Variants in NXPE4 observed in about 807,000 individuals in gnomAD.
The protein encoded by NXPE4 is NXPE family member 4.
In NXPE4, 42 loss-of-function variants were observed where a neutral mutation model predicts 33.3. The ratio of observed to expected loss-of-function variants is 1.26; its 90% CI spans 0.98 to 1.63. NXPE4 has a LOEUF of 1.63. Ranked by LOEUF, NXPE4 falls within the 40% of genes most tolerant of loss-of-function variation. The pLI, the probability that NXPE4 is intolerant of heterozygous loss-of-function variation, is 0.00. For missense variants in NXPE4, 709 were observed against 647.6 expected (o/e 1.09, Z -1.03); for synonymous variants, 253 against 234.9 (o/e 1.08, Z -0.71).
At chr11:114,607,641 C>T in the NXPE4 span, among the ~76,000 whole-genome samples, 641 of 147,942 alleles carry the variant, frequency 4.3e-3, 6 homozygotes, top group African/African-American at 0.011. Flanking sequence ...TGTTGCCTCG[C>T]GGTTAACCAC....
chr11:114,615,548 T>G, the NXPE4 span, among the ~76,000 whole-genome samples: 1 of 151,948 alleles, frequency 6.6e-6, no homozygotes, highest in African/African-American at 2.4e-5. Context: ...CGGTGGATAA[T>G]AAGTGTTGCT....
upstream of NXPE4, among the ~76,000 whole-genome samples, chr11:114,600,605 A>T (rs1488576720): frequency 6.6e-6 from 1 of 152,110 alleles, no homozygotes; most frequent in Non-Finnish European, 1.5e-5. Flanking sequence ...ACCATGTAAG[A>T]CTAAGCAACT....
chr11:114,571,754 C>T (rs190831486), intron 5 of NXPE4, among the ~76,000 whole-genome samples: 248 of 152,280 alleles, frequency 1.6e-3, no homozygotes, highest in African/African-American at 5.5e-3. Context: ...AACTTCTGCT[C>T]CAAGAACTGC....
the NXPE4 span, among the ~76,000 whole-genome samples, chr11:114,606,740 C>T: frequency 1.1e-4 from 17 of 151,130 alleles, no homozygotes; most frequent in Non-Finnish European, 2.2e-4. Flanking sequence ...CTGCTACCTG[C>T]TGGATAATAA....
chr11:114,651,110 A>C, the NXPE4 span, among the ~76,000 whole-genome samples: 1 of 152,012 alleles, frequency 6.6e-6, no homozygotes, highest in East Asian at 1.9e-4. Flanking sequence ...TATTATATAT[A>C]ATAGAATGTG....
the NXPE4 span, among the ~76,000 whole-genome samples, chr11:114,672,943 C>T: frequency 6.6e-6 from 1 of 151,092 alleles, no homozygotes; most frequent in South Asian, 2.1e-4. Context: ...AAATTATAAG[C>T]CATCTAGACC....
the NXPE4 span, among the ~76,000 whole-genome samples, chr11:114,605,098 A>G: frequency 6.0e-5 from 9 of 151,258 alleles, no homozygotes; most frequent in African/African-American, 2.2e-4. Flanking sequence ...CCTCGTGGGT[A>G]ACAGCTGTTA....
the NXPE4 span, among the ~76,000 whole-genome samples, chr11:114,602,464 ATAAAT>A: frequency 7.4e-6 from 1 of 135,400 alleles, no homozygotes; most frequent in Non-Finnish European, 1.5e-5. Flanking sequence ...TAAATAATAT[ATAAAT>A]TATAGATTAT....
At chr11:114,629,631 C>T in the NXPE4 span, among the ~76,000 whole-genome samples, 703 of 152,160 alleles carry the variant, frequency 4.6e-3, 14 homozygotes, top group African/African-American at 0.016. Context: ...TGCCCTCTCT[C>T]ACCACTCCTA....
chr11:114,649,677 G>A, the NXPE4 span, among the ~76,000 whole-genome samples: 3 of 152,212 alleles, frequency 2.0e-5, no homozygotes, highest in Admixed American at 6.5e-5. Flanking sequence ...GAAGACTGGA[G>A]GCGGGGGTAA....
chr11:114,663,601 CT>C, the NXPE4 span, among the ~76,000 whole-genome samples: 6 of 97,238 alleles, frequency 6.2e-5, no homozygotes, highest in African/African-American at 1.8e-4. Flanking sequence ...ATCTATCTAT[CT>C]ATCTATCTAT....
At chr11:114,629,167 T>C in the NXPE4 span, among the ~76,000 whole-genome samples, 3 of 152,052 alleles carry the variant, frequency 2.0e-5, no homozygotes, top group African/African-American at 4.8e-5. Flanking sequence ...CCCTAACTCA[T>C]TTTATGAGGC....
the NXPE4 span, among the ~76,000 whole-genome samples, chr11:114,640,591 C>G: frequency 6.6e-5 from 10 of 151,798 alleles, no homozygotes; most frequent in East Asian, 1.9e-4. Flanking sequence ...TAAGTGTTCC[C>G]TTTTCACCAC....
the NXPE4 span, among the ~76,000 whole-genome samples, chr11:114,621,770 T>G: frequency 6.6e-6 from 1 of 152,128 alleles, no homozygotes; most frequent in Non-Finnish European, 1.5e-5. Flanking sequence ...TATTGCCTCA[T>G]GGGTAACCAC....
At chr11:114,640,731 T>C in the NXPE4 span, among the ~76,000 whole-genome samples, 1 of 152,156 alleles carries the variant, frequency 6.6e-6, no homozygotes, top group African/African-American at 2.4e-5. Flanking sequence ...TTTTTATATG[T>C]TTGTTGGTGT....
chr11:114,580,075 G>T, intron 5 of NXPE4, 57 bp downstream of exon 5: 1 of 1,409,440 alleles, frequency 7.1e-7, no homozygotes, highest in Non-Finnish European at 1.0e-6. Context: ...TCTCCCCTTT[G>T]AAATGGAAAA....
At chr11:114,632,969 T>A in the NXPE4 span, among the ~76,000 whole-genome samples, 1 of 103,304 alleles carries the variant, frequency 9.7e-6, no homozygotes, top group African/African-American at 4.0e-5. Context: ...TAATTATATA[T>A]TATATATTAT....
the NXPE4 span, among the ~76,000 whole-genome samples, chr11:114,636,656 C>T: frequency 2.6e-5 from 4 of 151,982 alleles, no homozygotes; most frequent in South Asian, 2.1e-4. Flanking sequence ...GATTCTGGTA[C>T]GTTGTGTCTT....
chr11:114,636,892 C>T, the NXPE4 span, among the ~76,000 whole-genome samples: 1 of 152,032 alleles, frequency 6.6e-6, no homozygotes, highest in African/African-American at 2.4e-5. Flanking sequence ...AGTATATGGT[C>T]AATTTTGGAA....
Sources: allele counts gnomAD v4.1 joint callset (sites outside exome capture counted in the v4.1 genomes callset), GRCh38; gene constraint gnomAD v4.1.1; transcripts MANE v1.5; gene names NCBI Gene and HGNC (gene_info 2026-07-23, HGNC 2026-07-21).